The following PRMT3 variants were observed in gnomAD, a reference collection of about 807,000 sequenced individuals.
The protein encoded by PRMT3 is protein arginine methyltransferase 3.
PRMT3 carries 62 observed loss-of-function variants against 71.9 expected under a neutral mutation model. The ratio of observed to expected loss-of-function variants is 0.86; its 90% CI spans 0.70 to 1.07. The LOEUF (loss-of-function observed/expected upper bound fraction) is 1.07. PRMT3 is among the 50% of genes least tolerant of loss of function. The probability of loss-of-function intolerance (pLI) is 0.00; values close to 1 mark genes in which losing one functional copy is unlikely to be tolerated. For synonymous variants in PRMT3, 213 were observed against 220.4 expected, an observed-to-expected ratio of 0.97 and a Z score of 0.30; for missense variants, 663 against 643.0, an observed-to-expected ratio of 1.03 and a Z score of -0.34.
intron 13 of PRMT3, among the ~76,000 whole-genome samples, chr11:20,490,025 G>A (rs2133448119): frequency 6.7e-6 from 1 of 149,006 alleles, no homozygotes; most frequent in Middle Eastern, 3.4e-3. Context: ...TGGTGTTTGA[G>A]GGTAGACACC....
intron 13 of PRMT3, among the ~76,000 whole-genome samples, chr11:20,479,241 C>G (rs778339072): frequency 1.3e-5 from 2 of 152,050 alleles, no homozygotes; most frequent in Non-Finnish European, 2.9e-5. Context: ...GGTGGTGGTG[C>G]GAACATTTAA....
intron 13 of PRMT3, among the ~76,000 whole-genome samples, chr11:20,480,797 T>G (rs546689650): frequency 6.6e-6 from 1 of 152,266 alleles, no homozygotes; most frequent in South Asian, 2.1e-4. Flanking sequence ...TCAGTATCAA[T>G]GATGACTCCA....
At chr11:20,392,143 T>A in intron 3 of PRMT3, 68 bp from the exon 4 acceptor site, 5 of 1,450,222 alleles carry the variant, frequency 3.4e-6, no homozygotes, top group Non-Finnish European at 4.7e-6. Flanking sequence ...GAGAAGGCTT[T>A]ATAGAATAGG....
intron 9 of PRMT3, among the ~76,000 whole-genome samples, chr11:20,423,377 G>C (rs1423404030): frequency 1.3e-5 from 2 of 152,118 alleles, no homozygotes; most frequent in Admixed American, 6.5e-5. Flanking sequence ...TGTTGTACAG[G>C]AGTTGGTAAA....
chr11:20,441,315 A>ATT (rs1307746675), intron 10 of PRMT3, among the ~76,000 whole-genome samples: 2 of 131,302 alleles, frequency 1.5e-5, no homozygotes, highest in Non-Finnish European at 3.2e-5. Flanking sequence ...TTATTTATTT[A>ATT]TATATTTTGA....
intron 9 of PRMT3, 59 bp from the exon 10 acceptor site, chr11:20,426,707 A>G: frequency 1.5e-6 from 2 of 1,343,140 alleles, no homozygotes; most frequent in East Asian, 3.1e-5. Context: ...AAAATTATGT[A>G]ATTTAACTAG....
chr11:20,420,946 AATAC>A (rs1439225019), intron 9 of PRMT3, among the ~76,000 whole-genome samples: 2 of 152,374 alleles, frequency 1.3e-5, no homozygotes, highest in Admixed American at 1.3e-4. Context: ...TATGTTTATG[AATAC>A]ATACATTAGA....
At chr11:20,459,990 T>C (rs1295055509) in intron 11 of PRMT3, among the ~76,000 whole-genome samples, 2 of 152,186 alleles carry the variant, frequency 1.3e-5, no homozygotes, top group African/African-American at 4.8e-5. Context: ...CTCACATGCC[T>C]ATCAGGGAAG....
At chr11:20,468,393 G>A (rs1168151806) in intron 13 of PRMT3, among the ~76,000 whole-genome samples, 1 of 152,110 alleles carries the variant, frequency 6.6e-6, no homozygotes, top group Admixed American at 6.5e-5. Context: ...TTGAGACAGG[G>A]TCTCACTCTA....
chr11:20,408,134 T>A, intron 9 of PRMT3, 102 bp downstream of exon 9: 1 of 802,478 alleles, frequency 1.2e-6, no homozygotes, highest in Non-Finnish European at 1.8e-6. Flanking sequence ...ACTAAAGACA[T>A]TTGTCTTTTA....
chr11:20,405,500 C>T (rs1443499097), intron 8 of PRMT3: 1 of 152,050 alleles, frequency 6.6e-6, no homozygotes, highest in Non-Finnish European at 1.5e-5. Flanking sequence ...AGAAGGTTAA[C>T]CTGTGTTTGA....
rs189512642 is a variant in PRMT3 at position 20,393,245 on chromosome 11, A to G, written c.400+246A>G. 1.8e-4 allele frequency among the ~76,000 whole-genome samples: 27 copies of G among 152,352 alleles called. No homozygotes were observed. In the East Asian group the frequency reaches 3.5e-3, roughly 20 times the overall value. ...GGCAGATCACGAGGTCAGGAGATCC[A>G]GACCATCATGGCTAACACAGTGAAA... On this transcript the variant is annotated intron_variant, in intron 5 of 15. Transcript: ENST00000331079.
chr11:20,402,663 C>T (rs552037358), intron 7 of PRMT3, among the ~76,000 whole-genome samples: 2 of 152,174 alleles, frequency 1.3e-5, no homozygotes, highest in East Asian at 1.9e-4. Flanking sequence ...TGATAATGCA[C>T]GTCAAGAGGA....
chr11:20,392,050 A>T (rs57803655), intron 3 of PRMT3, among the ~76,000 whole-genome samples, 161 bp from the exon 4 acceptor site: 8 of 152,340 alleles, frequency 5.3e-5, no homozygotes, highest in African/African-American at 1.9e-4. Context: ...CAGAAGTATC[A>T]TTGTATTACT....
intron 13 of PRMT3, among the ~76,000 whole-genome samples, chr11:20,471,461 A>G (rs1244242077): frequency 6.6e-6 from 1 of 152,126 alleles, no homozygotes; most frequent in Non-Finnish European, 1.5e-5. Flanking sequence ...AACACCATTT[A>G]TTAGAGACTC....
At chr11:20,391,725 G>T (rs1259370754) in intron 3 of PRMT3, among the ~76,000 whole-genome samples, 1 of 151,976 alleles carries the variant, frequency 6.6e-6, no homozygotes, top group African/African-American at 2.4e-5. Context: ...TGTTTTAAAT[G>T]CTGCTTCATT....
intron 2 of PRMT3, among the ~76,000 whole-genome samples, chr11:20,389,046 C>G (rs6483665): frequency 6.6e-6 from 1 of 152,266 alleles, no homozygotes; most frequent in South Asian, 2.1e-4. Context: ...CCAGTGGTAC[C>G]GTGGCTGTGA....
At chr11:20,497,549 T>TA (rs1286798611) in intron 15 of PRMT3, among the ~76,000 whole-genome samples, 1 of 152,180 alleles carries the variant, frequency 6.6e-6, no homozygotes, top group African/African-American at 2.4e-5. Context: ...TGAATCCTGC[T>TA]AAGCCTTTGA....
chr11:20,402,682 G>A (rs1443393026), intron 7 of PRMT3, among the ~76,000 whole-genome samples: 3 of 152,074 alleles, frequency 2.0e-5, no homozygotes, highest in South Asian at 4.1e-4. Context: ...GAAAATGTAC[G>A]CATTTTTAAG....
Sources: gnomAD v4.1 joint callset for allele counts (sites outside exome capture counted in the v4.1 genomes callset) on GRCh38, gnomAD v4.1.1 for gene constraint, MANE v1.5 for transcripts, NCBI Gene and HGNC (gene_info 2026-07-23, HGNC 2026-07-21) for gene names.